The following CLSTN2 variants were observed in gnomAD, a reference collection of about 807,000 sequenced individuals.
The protein encoded by CLSTN2 is calsyntenin 2.
Under a neutral mutation model 101.2 loss-of-function variants are expected in CLSTN2, and 48 were observed. The observed-to-expected ratio is 0.47, with a 90% CI of 0.38 to 0.60. The LOEUF (loss-of-function observed/expected upper bound fraction) is 0.60. Among genes scored for constraint, CLSTN2 ranks in the 20% least tolerant of loss-of-function variants. The pLI, the probability that CLSTN2 is intolerant of heterozygous loss-of-function variation, is 0.00. For synonymous variants in CLSTN2, 481 were observed against 463.6 expected (o/e 1.04, Z -0.48); for missense variants, 1,160 against 1,238.2 (o/e 0.94, Z 0.95).
At chr3:140,482,971 T>C (rs987465541) in intron 8 of CLSTN2, among the ~76,000 whole-genome samples, 1 of 152,228 alleles carries the variant, frequency 6.6e-6, no homozygotes, top group African/African-American at 2.4e-5. Flanking sequence ...TAGTTATTTC[T>C]TGCCTTCTGC....
At chr3:139,992,187 G>T (rs1936126784) in intron 1 of CLSTN2, among the ~76,000 whole-genome samples, 2 of 152,012 alleles carry the variant, frequency 1.3e-5, no homozygotes, top group Non-Finnish European at 2.9e-5. Flanking sequence ...TGTGGAGAGG[G>T]CAATTTATGA....
intron 2 of CLSTN2, among the ~76,000 whole-genome samples, chr3:140,343,691 G>T (rs760854673): frequency 1.3e-5 from 2 of 152,188 alleles, no homozygotes; most frequent in African/African-American, 2.4e-5. Context: ...TTATTATAAT[G>T]AGTTTGACTT....
chr3:140,043,749 C>A (rs1210270748), intron 1 of CLSTN2, among the ~76,000 whole-genome samples: 4 of 152,236 alleles, frequency 2.6e-5, no homozygotes, highest in Admixed American at 6.5e-5. Flanking sequence ...ATATGGCTAG[C>A]CAGTTTTCCT....
intron 1 of CLSTN2, among the ~76,000 whole-genome samples, chr3:140,050,102 C>T (rs1172665154): frequency 6.6e-6 from 1 of 152,230 alleles, no homozygotes; most frequent in African/African-American, 2.4e-5. Context: ...TCTGTAGAAA[C>T]TGCTTACACA....
intron 1 of CLSTN2, among the ~76,000 whole-genome samples, chr3:140,143,062 T>C (rs569410634): frequency 6.6e-6 from 1 of 152,352 alleles, no homozygotes; most frequent in East Asian, 1.9e-4. Flanking sequence ...ACGACAGGGT[T>C]GTTGGCTGCT....
At chr3:139,966,285 T>C (rs893223069) in intron 1 of CLSTN2, among the ~76,000 whole-genome samples, 14 of 152,194 alleles carry the variant, frequency 9.2e-5, no homozygotes, top group Admixed American at 7.8e-4. Flanking sequence ...TACTGTCTCA[T>C]TATTTCCTGT....
chr3:140,416,306 G>A (rs2088430870), intron 4 of CLSTN2, among the ~76,000 whole-genome samples: 1 of 152,094 alleles, frequency 6.6e-6, no homozygotes, highest in Admixed American at 6.6e-5. Flanking sequence ...GGTGACTATA[G>A]CTAATAGTAA....
chr3:140,195,545 G>GA (rs2010631860), intron 2 of CLSTN2, among the ~76,000 whole-genome samples: 1 of 151,746 alleles, frequency 6.6e-6, no homozygotes, highest in Non-Finnish European at 1.5e-5. Context: ...ATGGTTATGA[G>GA]AAAAAAATAG....
intron 2 of CLSTN2, among the ~76,000 whole-genome samples, chr3:140,289,649 G>T (rs1244130837): frequency 6.6e-6 from 1 of 152,036 alleles, no homozygotes; most frequent in Non-Finnish European, 1.5e-5. Context: ...CAGACAATGG[G>T]TGACTTAATG....
At chr3:140,069,342 G>T (rs2008353420) in intron 1 of CLSTN2, among the ~76,000 whole-genome samples, 1 of 152,186 alleles carries the variant, frequency 6.6e-6, no homozygotes, top group Non-Finnish European at 1.5e-5. Flanking sequence ...CCTGGGTACA[G>T]CATGACACCA....
At chr3:140,430,290 C>T (rs573348758) in intron 5 of CLSTN2, among the ~76,000 whole-genome samples, 1 of 152,250 alleles carries the variant, frequency 6.6e-6, no homozygotes, top group African/African-American at 2.4e-5. Context: ...ATACCTCCTG[C>T]AGGAGTCAGG....
intron 10 of CLSTN2, among the ~76,000 whole-genome samples, chr3:140,555,070 T>C (rs1935768931): frequency 6.6e-6 from 1 of 152,222 alleles, no homozygotes; most frequent in Non-Finnish European, 1.5e-5. Context: ...TCATGTCCAT[T>C]ATAGATTGGC....
At chr3:140,162,750 G>A (rs2010068721) in intron 1 of CLSTN2, among the ~76,000 whole-genome samples, 1 of 152,194 alleles carries the variant, frequency 6.6e-6, no homozygotes, top group African/African-American at 2.4e-5. Flanking sequence ...TGGCCTGCCA[G>A]TGCTTTCTTT....
At chr3:140,166,601 A>G (rs187102732) in intron 1 of CLSTN2, among the ~76,000 whole-genome samples, 10 of 152,282 alleles carry the variant, frequency 6.6e-5, no homozygotes, top group Admixed American at 3.9e-4. Context: ...TGGAGCATTA[A>G]TACACTTTTT....
Position 140,513,585 on chromosome 3 carries a change from T to TC in CLSTN2, c.1345-18739_1345-18738insC, listed in dbSNP as rs201905342. Among the ~76,000 whole-genome samples the TC allele has an allele frequency of 4.2e-5, 6 of 142,528 alleles. 1 individual carries two copies. The highest frequency in any genetic ancestry group is 7.7e-5 in the Non-Finnish European group (5 of 65,080). 93.5% of individuals were successfully genotyped at this position (142,528 alleles called of 152,430 possible). On this transcript the variant is annotated intron_variant, in intron 8 of 16. Transcript: ENST00000458420. ...TGAAGCTTTCTTTTTTTTTCTTTCT[T>TC]TTTTTTTTTTTTTTTGGGTGTGTGT...
intron 2 of CLSTN2, among the ~76,000 whole-genome samples, chr3:140,321,932 A>G (rs1281863330): frequency 6.6e-6 from 1 of 152,204 alleles, no homozygotes; most frequent in Admixed American, 6.5e-5. Context: ...GTACAGGATC[A>G]GCACTTGGAC....
chr3:140,253,723 G>A (rs2086582246), intron 2 of CLSTN2, among the ~76,000 whole-genome samples: 1 of 152,088 alleles, frequency 6.6e-6, no homozygotes, highest in Non-Finnish European at 1.5e-5. Context: ...GAGATAGAAA[G>A]TTCAGGATCC....
chr3:140,222,554 A>T, intron 2 of CLSTN2, among the ~76,000 whole-genome samples: 1 of 152,228 alleles, frequency 6.6e-6, no homozygotes, highest in East Asian at 1.9e-4. Flanking sequence ...TATGCATTGC[A>T]TGCTTATATC....
At chr3:140,333,131 C>A (rs1474825761) in intron 2 of CLSTN2, among the ~76,000 whole-genome samples, 1 of 152,154 alleles carries the variant, frequency 6.6e-6, no homozygotes, top group East Asian at 1.9e-4. Context: ...CCTCTCCTGC[C>A]TCTCCTTTCG....
Sources: allele counts gnomAD v4.1 joint callset (sites outside exome capture counted in the v4.1 genomes callset), GRCh38; gene constraint gnomAD v4.1.1; transcripts MANE v1.5; gene names NCBI Gene and HGNC (gene_info 2026-07-23, HGNC 2026-07-21).